KRTAP27-1: variants seen among roughly 807,000 people sequenced by gnomAD.
The protein encoded by KRTAP27-1 is keratin associated protein 27-1, also known as keratin-associated protein 27-1.
Under a neutral mutation model 0.5 loss-of-function variants are expected in KRTAP27-1, and 1 was observed. The ratio of observed to expected loss-of-function variants is 1.90; its 90% CI spans 0.68 to 9.03. The LOEUF is 9.03. Ranked by LOEUF, KRTAP27-1 falls within the 30% of genes most tolerant of loss-of-function variation. The pLI is 0.13. For synonymous variants in KRTAP27-1, 103 were observed against 88.9 expected (o/e 1.16, Z -0.89); for missense variants, 264 against 244.2 (o/e 1.08, Z -0.54).
rs1982049529 is a variant in KRTAP27-1 at position 30,337,102 on chromosome 21, A to G, written c.567T>C (p.Ser189=). The change falls in exon 1 of 1, where the codon TCT becomes TCC. Residue 189 remains serine (S), a synonymous_variant. Coordinates refer to ENST00000382835, the MANE Select transcript of KRTAP27-1 (RefSeq NM_001077711.1). ...CACAGCAAGTTGGTTCAACTCCTGG[A>G]GAAGATTCCAGGAGTTGTGGCTCAG... ...VAPEPQLLES[S]PGVEPTCCVT... is the part of the protein sequence containing the mutation. 1 of 1,613,768 alleles carries G rather than the reference A, an allele frequency of 6.2e-7. No homozygotes were observed. Among genetic ancestry groups the G allele is most frequent in the Non-Finnish European group, 8.5e-7 (1 of 1,179,708 alleles).
chr21:30,337,694 C>T lies in KRTAP27-1; in HGVS notation c.-26G>A. ...ATTGCTAAAAATCCTTAAAGATGGT[C>T]ATAAGGACTCAACATGCTGAGTTTG... On this transcript the variant is annotated 5_prime_UTR_variant, in exon 1 of 1. Transcript: ENST00000382835. 1 of 1,596,354 alleles carries T rather than the reference C, an allele frequency of 6.3e-7. No homozygotes were observed. Among genetic ancestry groups the T allele is most frequent in the Non-Finnish European group, 8.6e-7 (1 of 1,167,144 alleles).
rs1568822864 is a variant in KRTAP27-1 at position 30,337,075 on chromosome 21, A to T, written c.594T>A (p.Val198=). The T allele has an allele frequency of 1.9e-6, 3 of 1,609,660 alleles. No homozygotes were observed. Among genetic ancestry groups the T allele is most frequent in the Non-Finnish European group, 2.5e-6 (3 of 1,176,618 alleles). The change falls in exon 1 of 1, where the codon GTT becomes GTA. Residue 198 remains valine, a synonymous_variant. Transcript: ENST00000382835. ...TACTAGGCAATTGAGAACCACCAGT[A>T]ACACAGCAAGTTGGTTCAACTCCTG... ...SSPGVEPTCC[V]TGGSQLPSK is the part of the protein sequence containing the mutation.
At position 30,337,561 on chromosome 21, in the gene KRTAP27-1, C is replaced by A; in HGVS notation, c.108G>T (p.Leu36Phe). Residue 36 changes from leucine (L) to phenylalanine (F), a missense_variant, in exon 1 of 1, where the codon TTG becomes TTT. Leu to Phe is a conservative substitution (Grantham distance 22). Coordinates refer to ENST00000382835, the MANE Select transcript of KRTAP27-1 (RefSeq NM_001077711.1). The stretch of plus-strand genomic sequence containing the variant: ...AGGTTCTGCTATGGAAGCTGCTGGG[C>A]AAACACAATCTGTCTTCAAAGGTTA... ...NPITFEDRLC[L>F]PSSFHSRTCF... 1 of 1,614,128 alleles carries A rather than the reference C, an allele frequency of 6.2e-7. No homozygotes were observed.
rs749702309 is a variant in KRTAP27-1, at chr21:30,337,538, G to A, written c.131C>T (p.Thr44Ile). The change falls in exon 1 of 1, where the codon ACC (threonine) becomes ATC (isoleucine). Residue 44 changes from threonine to isoleucine, a missense_variant. Transcript: ENST00000382835. ...LCLPSSFHSR[T>I]CFLDNFQETC... ...TTCTTGAAAGTTGTCCAGGAAACAG[G>A]TTCTGCTATGGAAGCTGCTGGGCAA... is the stretch of plus-strand genomic sequence containing the variant. 1 of 1,614,188 alleles carries A rather than the reference G, an allele frequency of 6.2e-7. No individual in the cohort carries two copies. The highest frequency in any genetic ancestry group is 8.5e-7 in the Non-Finnish European group (1 of 1,180,034).
At position 30,337,406 on chromosome 21, in the gene KRTAP27-1, G is replaced by T. The variant is rs757425315; in HGVS notation, c.263C>A (p.Thr88Asn). ...TTCGCAGGGCCTGGAATTGGAGTAA[G>T]TAGTTTGGACAACTCCGGGGAAGCA... ...SNCFPGVVQT[T>N]YSNSRPCERT... Residue 88 changes from threonine to asparagine, a missense_variant, in exon 1 of 1, where the codon ACT becomes AAT. Coordinates refer to ENST00000382835, the MANE Select transcript of KRTAP27-1 (RefSeq NM_001077711.1). The T allele has an allele frequency of 4.3e-6, 7 of 1,614,118 alleles. No homozygotes were observed. The highest frequency in any genetic ancestry group is 5.9e-6 in the Non-Finnish European group (7 of 1,179,948).
Position 30,337,269 on chromosome 21 carries a change from C to A in KRTAP27-1, c.400G>T (p.Ala134Ser). 1 of 1,614,094 alleles carries A rather than the reference C, an allele frequency of 6.2e-7. No individual in the cohort carries two copies. The highest frequency in any genetic ancestry group is 8.5e-7 in the Non-Finnish European group (1 of 1,179,968). Residue 134 changes from alanine to serine, a missense_variant, in exon 1 of 1, where the codon GCA becomes TCA. Coordinates refer to ENST00000382835, the MANE Select transcript of KRTAP27-1 (RefSeq NM_001077711.1). Reference protein sequence around the residue: ...MGFVAQSCQPASLKGNSCPPK... With the variant: ...MGFVAQSCQPSSLKGNSCPPK... ...GGGCAACTGTTTCCCTTGAGGCTTG[C>A]AGGTTGGCAGCTCTGGGCTACAAAA...
In KRTAP27-1 at chr21:30,337,217, A is replaced by G. The variant is rs748036422; in HGVS notation, c.452T>C (p.Phe151Ser). Residue 151 changes from phenylalanine (F) to serine (S), a missense_variant, in exon 1 of 1, where the codon TTC becomes TCC. By Grantham distance (155) the Phe-to-Ser change is radical (BLOSUM62 -2). Transcript: ENST00000382835. ...CPPKTSKSKN[F>S]ETLERASSQC... ...GCTAGATGCACGTTCCAGAGTTTCG[A>G]AATTTTTAGACTTAGAAGTCTTGGG... The G allele has an allele frequency of 6.2e-7, 1 of 1,614,036 alleles. No individual in the cohort carries two copies.
Position 30,337,139 on chromosome 21 carries a change from A to G in KRTAP27-1, c.530T>C (p.Val177Ala), listed in dbSNP as rs938383959. Reference sequence around the variant, plus strand: ...GAGTTGTGGCTCAGGTGCAACATTGACCAGAGGTCTACAGGAACTGGATTC... The same window carrying G: ...GAGTTGTGGCTCAGGTGCAACATTGGCCAGAGGTCTACAGGAACTGGATTC... Reference protein sequence around the residue: ...NPESSSCRPLVNVAPEPQLLE... With the variant: ...NPESSSCRPLANVAPEPQLLE... The change falls in exon 1 of 1, where the codon GTC becomes GCC. Residue 177 changes from valine to alanine, a missense_variant. Val to Ala is a moderately conservative substitution (Grantham distance 64). Coordinates refer to ENST00000382835, the MANE Select transcript of KRTAP27-1 (RefSeq NM_001077711.1). 1 of 1,614,000 alleles carries G rather than the reference A, an allele frequency of 6.2e-7. No homozygotes were observed. Among genetic ancestry groups the G allele is most frequent in the Non-Finnish European group, 8.5e-7 (1 of 1,180,002 alleles).
rs1475582809 is a variant in KRTAP27-1 at position 30,337,589 on chromosome 21, G to A, written c.80C>T (p.Pro27Leu). Residue 27 changes from proline (P) to leucine (L), a missense_variant, in exon 1 of 1, where the codon CCT becomes CTT. Pro to Leu is a moderately conservative substitution (Grantham distance 98). Transcript: ENST00000382835. ...PLSAITHGTN[P>L]ITFEDRLCLP... is the part of the protein sequence containing the mutation. ...ACACAATCTGTCTTCAAAGGTTATAGGATTAGTGCCATGTGTGATGGCAGA... is the reference window on the plus strand; with the variant it reads ...ACACAATCTGTCTTCAAAGGTTATAAGATTAGTGCCATGTGTGATGGCAGA... 1 of 1,614,158 alleles carries A rather than the reference G, an allele frequency of 6.2e-7. No homozygotes were observed. The highest frequency in any genetic ancestry group is 8.5e-7 in the Non-Finnish European group (1 of 1,180,010).
rs1568822922 is a variant in KRTAP27-1, at chr21:30,337,165, A to C, written c.504T>G (p.Pro168=). 13 of 1,614,164 alleles carry C rather than the reference A, an allele frequency of 8.1e-6. No individual in the cohort carries two copies. The highest frequency in any genetic ancestry group is 1.1e-5 in the Non-Finnish European group (13 of 1,180,020). Residue 168 remains proline (P), a synonymous_variant, in exon 1 of 1, where the codon CCT becomes CCG. Coordinates refer to ENST00000382835, the MANE Select transcript of KRTAP27-1 (RefSeq NM_001077711.1). ...CCAGAGGTCTACAGGAACTGGATTC[A>C]GGGTTCTGAGACTGACACTGACATT... ...SSQCQCQSQN[P]ESSSCRPLVN... is the part of the protein sequence containing the mutation.
Position 30,337,384 on chromosome 21 carries a change from G to A in KRTAP27-1, c.285C>T (p.Cys95=), listed in dbSNP as rs764140564. The A allele has an allele frequency of 2.5e-5, 41 of 1,613,764 alleles. No individual in the cohort carries two copies. The highest frequency in any genetic ancestry group is 5.5e-5 in the South Asian group (5 of 91,086). ...VQTTYSNSRP[C]ERTACQSESS... is the part of the protein sequence containing the mutation. ...TTTCTGATTGGCACGCTGTCCTTTCGCAGGGCCTGGAATTGGAGTAAGTAG... is the reference window on the plus strand; with the variant it reads ...TTTCTGATTGGCACGCTGTCCTTTCACAGGGCCTGGAATTGGAGTAAGTAG... Residue 95 remains cysteine (C), a synonymous_variant, in exon 1 of 1, where the codon TGC becomes TGT. Coordinates refer to ENST00000382835, the MANE Select transcript of KRTAP27-1 (RefSeq NM_001077711.1).
In KRTAP27-1 at chr21:30,337,378, C is replaced by A. The variant is rs948602338; in HGVS notation, c.291G>T (p.Arg97Ser). Residue 97 changes from arginine to serine, a missense_variant, in exon 1 of 1, where the codon AGG becomes AGT. By Grantham distance (110) the Arg-to-Ser change is moderately radical. Coordinates refer to ENST00000382835, the MANE Select transcript of KRTAP27-1 (RefSeq NM_001077711.1). ...AAGAACTTTCTGATTGGCACGCTGT[C>A]CTTTCGCAGGGCCTGGAATTGGAGT... ...TTYSNSRPCERTACQSESSSA... is the reference protein window; with the variant it reads ...TTYSNSRPCESTACQSESSSA... 3 of 1,613,954 alleles carry A rather than the reference C, an allele frequency of 1.9e-6. No homozygotes were observed. The highest frequency in any genetic ancestry group is 2.5e-6 in the Non-Finnish European group (3 of 1,179,794).
At position 30,337,470 on chromosome 21, in the gene KRTAP27-1, G is replaced by C; in HGVS notation, c.199C>G (p.Gln67Glu). 1 of 1,614,152 alleles carries C rather than the reference G, an allele frequency of 6.2e-7. No individual in the cohort carries two copies. The highest frequency in any genetic ancestry group is 1.1e-5 in the South Asian group (1 of 91,086). Residue 67 changes from glutamine (Q) to glutamate (E), a missense_variant, in exon 1 of 1, where the codon CAG becomes GAG. Physicochemically the swap from Gln to Glu is conservative, Grantham distance 29. Transcript: ENST00000382835. ...TTSCQMTNCE[Q>E]DLFTDDSCVQ... ...CAGCTATCGTCTGTGAATAAGTCCT[G>C]TTCACAATTGGTCATTTGGCAGCTG...
At position 30,337,692 on chromosome 21, in the gene KRTAP27-1, G is replaced by A. The variant is rs1568823327; in HGVS notation, c.-24C>T. 6.3e-7 allele frequency: 1 copy of A among 1,599,118 alleles called. No homozygotes were observed. The highest frequency in any genetic ancestry group is 8.6e-7 in the Non-Finnish European group (1 of 1,168,690). On this transcript the variant is annotated 5_prime_UTR_variant, in exon 1 of 1. Coordinates refer to ENST00000382835, the MANE Select transcript of KRTAP27-1 (RefSeq NM_001077711.1). Reference sequence around the variant, plus strand: ...ATATTGCTAAAAATCCTTAAAGATGGTCATAAGGACTCAACATGCTGAGTT... The same window carrying A: ...ATATTGCTAAAAATCCTTAAAGATGATCATAAGGACTCAACATGCTGAGTT...
At position 30,337,310 on chromosome 21, in the gene KRTAP27-1, C is replaced by G. The variant is rs756039878; in HGVS notation, c.359G>C (p.Ser120Thr). ...ACVSQPCQSE[S>T]TQQMGFVAQS... ...GGCTACAAAACCCATCTGCTGAGTG[C>G]TTTCTGATTGGCAAGGCTGAGAAAC... is the stretch of plus-strand genomic sequence containing the variant. Residue 120 changes from serine to threonine, a missense_variant, in exon 1 of 1, where the codon AGC becomes ACC. Transcript: ENST00000382835. 6.2e-7 allele frequency: 1 copy of G among 1,614,188 alleles called. No homozygotes were observed. The highest frequency in any genetic ancestry group is 1.1e-5 in the South Asian group (1 of 91,080).
rs1054873176 is a variant in KRTAP27-1 at position 30,337,340 on chromosome 21, G to A, written c.329C>T (p.Ala110Val). The change falls in exon 1 of 1, where the codon GCT becomes GTT. Residue 110 changes from alanine (A) to valine (V), a missense_variant. Physicochemically the swap from Ala to Val is moderately conservative, Grantham distance 64. Transcript: ENST00000382835. ...TGATTGGCAAGGCTGAGAAACACAA[G>A]CCAGCCCTGCTGAAGAACTTTCTGA... is the stretch of plus-strand genomic sequence containing the variant. ...CQSESSSAGLACVSQPCQSES... is the reference protein window; with the variant it reads ...CQSESSSAGLVCVSQPCQSES... The A allele has an allele frequency of 6.2e-7, 1 of 1,614,060 alleles. No homozygotes were observed. Among genetic ancestry groups the A allele is most frequent in the Non-Finnish European group, 8.5e-7 (1 of 1,179,904 alleles).
At position 30,337,110 on chromosome 21, in the gene KRTAP27-1, C is replaced by T; in HGVS notation, c.559G>A (p.Glu187Lys). 1 of 1,613,942 alleles carries T rather than the reference C, an allele frequency of 6.2e-7. No individual in the cohort carries two copies. Among genetic ancestry groups the T allele is most frequent in the African/African-American group, 1.3e-5 (1 of 75,034 alleles). ...VNVAPEPQLL[E>K]SSPGVEPTCC... ...GTTGGTTCAACTCCTGGAGAAGATT[C>T]CAGGAGTTGTGGCTCAGGTGCAACA... Residue 187 changes from glutamate (E) to lysine (K), a missense_variant, in exon 1 of 1, where the codon GAA (glutamate) becomes AAA (lysine). Transcript: ENST00000382835.
chr21:30,337,651 G>A lies in KRTAP27-1; in HGVS notation c.18C>T (p.Cys6=). ...CATTGTGGAAGCTCCTGAGTGAATG[G>A]CAGTGGCTATGAGGCATATTGCTAA... is the stretch of plus-strand genomic sequence containing the variant. MPHSH[C]HSLRSFHNAP... The change falls in exon 1 of 1, where the codon TGC becomes TGT. Residue 6 remains cysteine, a synonymous_variant. Coordinates refer to ENST00000382835, the MANE Select transcript of KRTAP27-1 (RefSeq NM_001077711.1). The A allele has an allele frequency of 6.2e-7, 1 of 1,612,876 alleles. No homozygotes were observed.
At position 30,337,234 on chromosome 21, in the gene KRTAP27-1, A is replaced by T; in HGVS notation, c.435T>A (p.Thr145=). The T allele has an allele frequency of 1.2e-6, 2 of 1,614,110 alleles. No homozygotes were observed. The highest frequency in any genetic ancestry group is 1.7e-6 in the Non-Finnish European group (2 of 1,179,974). Residue 145 remains threonine (T), a synonymous_variant, in exon 1 of 1, where the codon ACT becomes ACA. Transcript: ENST00000382835. ...SLKGNSCPPK[T]SKSKNFETLE... ...GAGTTTCGAAATTTTTAGACTTAGA[A>T]GTCTTGGGTGGGCAACTGTTTCCCT...
Sources: gnomAD v4.1 joint callset for allele counts on GRCh38, gnomAD v4.1.1 for gene constraint, MANE v1.5 for transcripts, NCBI Gene and HGNC (gene_info 2026-07-23, HGNC 2026-07-21) for gene names.